CUL1: variants seen among roughly 807,000 people sequenced by gnomAD.
The protein encoded by CUL1 is cullin-1.
A neutral mutation model predicts 118.0 loss-of-function variants in CUL1; 24 were observed. The observed-to-expected ratio is 0.20, with a 90% CI of 0.15 to 0.29. The LOEUF (loss-of-function observed/expected upper bound fraction) is 0.29, where lower values mean the gene tolerates loss of function less well. Ranked by LOEUF, CUL1 falls within the 10% of genes least tolerant of loss-of-function variation. CUL1 has a pLI of 1.00. For missense variants in CUL1, 361 were observed against 933.8 expected (o/e 0.39, Z 7.99); for synonymous variants, 332 against 340.4 (o/e 0.98, Z 0.27).
In CUL1 at chr7:148,699,608, G is replaced by A. The variant is rs182696703; in HGVS notation, c.-162+579G>A. Among the ~76,000 whole-genome samples the A allele has an allele frequency of 1.9e-3, 289 of 152,302 alleles. 1 individual carries two copies. Among genetic ancestry groups the A allele is most frequent in the African/African-American group, 6.4e-3 (266 of 41,584 alleles). On this transcript the variant is annotated intron_variant, in intron 1 of 21. Transcript: ENST00000325222. ...TCTCGCTTTCCGGTTCCCTGCCCGC[G>A]GCTCTCGGGTTCCCCGCCTGCATTG...
intron 1 of CUL1, among the ~76,000 whole-genome samples, chr7:148,699,911 C>CT (rs1235534284): frequency 1.3e-5 from 2 of 151,770 alleles, no homozygotes; most frequent in Admixed American, 6.6e-5. Context: ...GGGGTCGTCG[C>CT]TTTTTTTTCC....
intron 11 of CUL1, 108 bp from the exon 12 acceptor site, chr7:148,786,441 TAA>T: frequency 1.2e-6 from 1 of 837,312 alleles, no homozygotes; most frequent in South Asian, 1.6e-5. Context: ...TCCTCTGCAC[TAA>T]TCTGATGAGA....
intron 13 of CUL1, 57 bp from the exon 14 acceptor site, chr7:148,788,500 T>C (rs1800894682): frequency 3.7e-6 from 4 of 1,068,034 alleles, no homozygotes; most frequent in Non-Finnish European, 5.8e-6. Flanking sequence ...AAGATTCCCT[T>C]GTATACATTT....
intron 1 of CUL1, among the ~76,000 whole-genome samples, chr7:148,700,053 C>T (rs1797672021): frequency 6.6e-6 from 1 of 152,206 alleles, no homozygotes; most frequent in Non-Finnish European, 1.5e-5. Context: ...TTCTCCCTGG[C>T]TGGCTTTGCC....
intron 2 of CUL1, among the ~76,000 whole-genome samples, chr7:148,744,482 A>T (rs1584785173): frequency 6.6e-6 from 1 of 151,938 alleles, no homozygotes; most frequent in African/African-American, 2.4e-5. Flanking sequence ...GATATAATAC[A>T]CATTTTTCTT....
intron 9 of CUL1, among the ~76,000 whole-genome samples, chr7:148,770,586 T>C (rs1385578532): frequency 6.6e-6 from 1 of 152,242 alleles, no homozygotes; most frequent in Non-Finnish European, 1.5e-5. Flanking sequence ...ACTTGCCGTT[T>C]GGCTCCTTCT....
chr7:148,776,159 G>A (rs953931580), intron 9 of CUL1, among the ~76,000 whole-genome samples: 7 of 119,158 alleles, frequency 5.9e-5, no homozygotes, highest in Admixed American at 3.9e-4. Flanking sequence ...ACTTTCAGAC[G>A]TAAATTACTG....
chr7:148,774,122 C>T (rs918418821), intron 9 of CUL1, among the ~76,000 whole-genome samples: 1 of 152,138 alleles, frequency 6.6e-6, no homozygotes, highest in African/African-American at 2.4e-5. Context: ...ATATAATTCT[C>T]AAAGTGTGTG....
chr7:148,734,982 G>A (rs1419841623), intron 2 of CUL1, among the ~76,000 whole-genome samples: 1 of 151,904 alleles, frequency 6.6e-6, no homozygotes, highest in African/African-American at 2.4e-5. Context: ...CCTGTACATT[G>A]CTGTGGCCTG....
chr7:148,796,523 A>C (rs1271626062), intron 17 of CUL1, among the ~76,000 whole-genome samples: 4 of 152,180 alleles, frequency 2.6e-5, no homozygotes, highest in Non-Finnish European at 5.9e-5. Flanking sequence ...CATTCTTCGA[A>C]TTACTCCTAA....
Position 148,730,071 on chromosome 7 carries a change from TG to T in CUL1, c.-51del. The T allele has an allele frequency of 6.3e-7, 1 of 1,575,344 alleles. No individual in the cohort carries two copies. Among genetic ancestry groups the T allele is most frequent in the Non-Finnish European group, 8.6e-7 (1 of 1,159,648 alleles). On this transcript the variant is annotated 5_prime_UTR_variant, in exon 2 of 22. Coordinates refer to ENST00000325222, the MANE Select transcript of CUL1 (RefSeq NM_003592.3). ...TATTTTCATCTAATGGAGAACTAGC[TG>T]TACTTTGAATAAGGATTGCTGCACT...
In CUL1 at chr7:148,730,153, G is replaced by A; in HGVS notation, c.31G>A (p.Gly11Ser). The A allele has an allele frequency of 1.2e-6, 2 of 1,614,028 alleles. No individual in the cohort carries two copies. Among genetic ancestry groups the A allele is most frequent in the East Asian group, 2.2e-5 (1 of 44,874 alleles). Residue 11 changes from glycine to serine, a missense_variant, in exon 2 of 22, where the codon GGC becomes AGC. Gly to Ser is a moderately conservative substitution (Grantham distance 56). Transcript: ENST00000325222. ...GTCAACCCGGAGCCAGAACCCCCAC[G>A]GCCTGAAGCAGATTGGCCTGGACCA... is the stretch of plus-strand genomic sequence containing the variant. MSSTRSQNPH[G>S]LKQIGLDQIW...
At chr7:148,753,805 G>A (rs1799570363) in intron 2 of CUL1, among the ~76,000 whole-genome samples, 171 bp from the exon 3 acceptor site, 2 of 152,176 alleles carry the variant, frequency 1.3e-5, no homozygotes, top group African/African-American at 4.8e-5. Flanking sequence ...GGGGCTTGTT[G>A]ACTTTTAGCT....
At chr7:148,730,642 A>G (rs921021072) in intron 2 of CUL1, among the ~76,000 whole-genome samples, 2 of 152,184 alleles carry the variant, frequency 1.3e-5, no homozygotes, top group Non-Finnish European at 2.9e-5. Context: ...CCATTTGTTT[A>G]TATATTGTCT....
chr7:148,762,999 T>A (rs1490464671), intron 7 of CUL1, among the ~76,000 whole-genome samples: 1 of 152,036 alleles, frequency 6.6e-6, no homozygotes, highest in Non-Finnish European at 1.5e-5. Context: ...ATACAAAAAT[T>A]AGCCAAGTGT....
At chr7:148,797,764 G>GA in intron 17 of CUL1, 48 bp from the exon 18 acceptor site, 1 of 1,457,310 alleles carries the variant, frequency 6.9e-7, no homozygotes, top group Non-Finnish European at 9.6e-7. Flanking sequence ...TTATTGCAAA[G>GA]AAAAATGCAT....
intron 7 of CUL1, among the ~76,000 whole-genome samples, chr7:148,761,504 C>CT (rs1799829112): frequency 2.0e-5 from 3 of 152,108 alleles, no homozygotes; most frequent in South Asian, 4.1e-4. Flanking sequence ...GAGTGAGACT[C>CT]TGTCTCAAAA....
chr7:148,757,540 T>C (rs1284648604), intron 4 of CUL1, among the ~76,000 whole-genome samples: 2 of 152,104 alleles, frequency 1.3e-5, no homozygotes, highest in African/African-American at 4.8e-5. Context: ...TGCTTTAGAG[T>C]CTGGGAAACG....
At chr7:148,757,224 C>A (rs1339484228) in intron 4 of CUL1, 74 bp downstream of exon 4, 33 of 971,132 alleles carry the variant, frequency 3.4e-5, no homozygotes, top group Non-Finnish European at 4.4e-5. Flanking sequence ...TGTCTTTCAG[C>A]AAGAGAATCT....
Sources: allele counts gnomAD v4.1 joint callset (sites outside exome capture counted in the v4.1 genomes callset), GRCh38; gene constraint gnomAD v4.1.1; transcripts MANE v1.5; gene names NCBI Gene and HGNC (gene_info 2026-07-23, HGNC 2026-07-21).